Variants in GALNT13 observed in about 807,000 individuals in gnomAD.
GALNT13 encodes the protein UDP-GalNAc:polypeptide N-acetylgalactosaminyltransferase 13.
A neutral mutation model predicts 64.2 loss-of-function variants in GALNT13; 28 were observed. That is an observed-to-expected ratio of 0.44 (90% CI 0.32 to 0.60). GALNT13 has a LOEUF of 0.60. Ranked by LOEUF, GALNT13 falls within the 20% of genes least tolerant of loss-of-function variation. The pLI is 0.05. For synonymous variants in GALNT13, 214 were observed against 224.6 expected, an observed-to-expected ratio of 0.95 and a Z score of 0.42; for missense variants, 577 against 669.8, an observed-to-expected ratio of 0.86 and a Z score of 1.53.
At chr2:153,644,818 G>A in the GALNT13 span, among the ~76,000 whole-genome samples, 1 of 152,040 alleles carries the variant, frequency 6.6e-6, no homozygotes, top group Non-Finnish European at 1.5e-5. Context: ...GCCAATGATA[G>A]GACCTATTTG....
the GALNT13 span, among the ~76,000 whole-genome samples, chr2:153,254,104 C>G: frequency 8.6e-4 from 131 of 152,146 alleles, 1 homozygote; most frequent in African/African-American, 2.9e-3. Flanking sequence ...GTCCTGGACT[C>G]TTTTTGGTTG....
At chr2:153,705,102 T>C in the GALNT13 span, among the ~76,000 whole-genome samples, 4 of 152,206 alleles carry the variant, frequency 2.6e-5, no homozygotes, top group Non-Finnish European at 5.9e-5. Context: ...TGTATAGATT[T>C]AACAGCAGTC....
chr2:153,772,184 C>G, the GALNT13 span, among the ~76,000 whole-genome samples: 2 of 152,202 alleles, frequency 1.3e-5, no homozygotes, highest in African/African-American at 4.8e-5. Context: ...ATCTCTGGCC[C>G]TTGACCAAAA....
the GALNT13 span, among the ~76,000 whole-genome samples, chr2:153,472,117 G>C: frequency 6.6e-6 from 1 of 152,164 alleles, no homozygotes; most frequent in Admixed American, 6.5e-5. Flanking sequence ...GGATCCCAGA[G>C]GGATTCTTTT....
chr2:153,109,938 G>T, the GALNT13 span, among the ~76,000 whole-genome samples: 1 of 152,004 alleles, frequency 6.6e-6, no homozygotes, highest in Non-Finnish European at 1.5e-5. Context: ...TTGTGTATAT[G>T]ACATCCTAGA....
the GALNT13 span, among the ~76,000 whole-genome samples, chr2:153,164,013 G>A: frequency 3.2e-5 from 4 of 124,044 alleles, no homozygotes; most frequent in African/African-American, 6.6e-5. Context: ...GCCAGGCTCC[G>A]TCTCAAAAAA....
At chr2:153,167,065 T>TGAGA in the GALNT13 span, among the ~76,000 whole-genome samples, 11 of 152,282 alleles carry the variant, frequency 7.2e-5, no homozygotes, top group Admixed American at 2.6e-4. Context: ...GAAGAAACTA[T>TGAGA]GAGAGAATAA....
chr2:153,119,499 C>T, the GALNT13 span, among the ~76,000 whole-genome samples: 32 of 152,010 alleles, frequency 2.1e-4, no homozygotes, highest in South Asian at 3.6e-3. Context: ...CCACCATGAC[C>T]GCAATATATA....
intron 9 of GALNT13, among the ~76,000 whole-genome samples, chr2:154,330,053 T>C (rs1695084859): frequency 1.3e-5 from 2 of 152,008 alleles, no homozygotes; most frequent in African/African-American, 4.8e-5. Context: ...TAGTTCCCAG[T>C]AGAAGTACTA....
chr2:153,893,885 G>T (rs1247912896), intron 1 of GALNT13, among the ~76,000 whole-genome samples: 1 of 151,926 alleles, frequency 6.6e-6, no homozygotes, highest in African/African-American at 2.4e-5. Context: ...AGTGGAATGG[G>T]TCAAAAAGTA....
At chr2:153,651,114 C>T in the GALNT13 span, among the ~76,000 whole-genome samples, 1 of 152,094 alleles carries the variant, frequency 6.6e-6, no homozygotes, top group East Asian at 1.9e-4. Context: ...GCATTGTACA[C>T]CTAAAGTTCT....
chr2:153,934,044 C>T lies in GALNT13; in HGVS notation c.-104-10350C>T, dbSNP rs575173311. On this transcript the variant is annotated intron_variant, in intron 2 of 12. Coordinates refer to ENST00000392825, the MANE Select transcript of GALNT13 (RefSeq NM_052917.4). ...TTTAACATTTTTCTTTCATGTTGACCTTGGAGAATCTGATGACTGCATGTC... is the reference window on the plus strand; with the variant it reads ...TTTAACATTTTTCTTTCATGTTGACTTTGGAGAATCTGATGACTGCATGTC... 2.0e-5 allele frequency among the ~76,000 whole-genome samples: 3 copies of T among 152,160 alleles called. No individual in the cohort carries two copies. The East Asian group carries it at 5.8e-4, about 29-fold the overall frequency.
intron 2 of GALNT13, among the ~76,000 whole-genome samples, chr2:153,931,431 A>G (rs1690510084): frequency 6.6e-6 from 1 of 151,718 alleles, no homozygotes; most frequent in South Asian, 2.1e-4. Flanking sequence ...CTAGATCTTA[A>G]GGAGAACGTT....
At chr2:153,132,815 G>C in the GALNT13 span, among the ~76,000 whole-genome samples, 1 of 152,070 alleles carries the variant, frequency 6.6e-6, no homozygotes, top group Non-Finnish European at 1.5e-5. Flanking sequence ...AACCTCCCCA[G>C]GCTCATGTGA....
intron 9 of GALNT13, among the ~76,000 whole-genome samples, chr2:154,308,966 T>A (rs1693888802): frequency 6.6e-6 from 1 of 152,076 alleles, no homozygotes; most frequent in Admixed American, 6.6e-5. Flanking sequence ...ATTCTATGGG[T>A]TTTTATTTGT....
At chr2:154,216,548 A>G (rs2105812505) in intron 4 of GALNT13, among the ~76,000 whole-genome samples, 1 of 152,224 alleles carries the variant, frequency 6.6e-6, no homozygotes, top group Non-Finnish European at 1.5e-5. Flanking sequence ...CACTCGAAAA[A>G]TGCTTCAGAT....
the GALNT13 span, among the ~76,000 whole-genome samples, chr2:153,743,120 G>A: frequency 2.7e-5 from 4 of 150,840 alleles, no homozygotes; most frequent in Non-Finnish European, 5.9e-5. Context: ...TAGTGTGGTG[G>A]GTTTGCTGGG....
the GALNT13 span, among the ~76,000 whole-genome samples, chr2:153,806,579 A>G: frequency 2.6e-5 from 4 of 151,920 alleles, no homozygotes; most frequent in African/African-American, 9.7e-5. Flanking sequence ...AGGCAACCAC[A>G]AATTATGTGG....
At chr2:154,302,592 C>G (rs980247914) in intron 9 of GALNT13, among the ~76,000 whole-genome samples, 1 of 152,168 alleles carries the variant, frequency 6.6e-6, no homozygotes, top group Admixed American at 6.5e-5. Context: ...TTTGAGTGAA[C>G]CTGGCCCAAG....
Sources: gnomAD v4.1 joint callset for allele counts (sites outside exome capture counted in the v4.1 genomes callset) on GRCh38, gnomAD v4.1.1 for gene constraint, MANE v1.5 for transcripts, NCBI Gene and HGNC (gene_info 2026-07-23, HGNC 2026-07-21) for gene names.